Variants in CACNA1E observed in about 807,000 individuals in gnomAD.
CACNA1E encodes calcium voltage-gated channel subunit alpha1 E, also known as voltage-dependent R-type calcium channel subunit alpha-1E.
Under a neutral mutation model 259.2 loss-of-function variants are expected in CACNA1E, and 40 were observed. The ratio of observed to expected loss-of-function variants is 0.15; its 90% CI spans 0.12 to 0.20. The LOEUF (loss-of-function observed/expected upper bound fraction) is 0.20. Ranked by LOEUF, CACNA1E falls within the 10% of genes least tolerant of loss-of-function variation. CACNA1E has a pLI of 1.00. For synonymous variants in CACNA1E, 1,104 were observed against 1,138.5 expected, an observed-to-expected ratio of 0.97 and a Z score of 0.61; for missense variants, 1,874 against 3,040.1, an observed-to-expected ratio of 0.62 and a Z score of 9.02.
At chr1:181,607,363 C>T (rs973413396) in intron 6 of CACNA1E, among the ~76,000 whole-genome samples, 6 of 152,116 alleles carry the variant, frequency 3.9e-5, no homozygotes, top group African/African-American at 1.2e-4. Context: ...TTGAGGATTA[C>T]GTCTTAAATT....
At chr1:181,749,058 A>G (rs1304407743) in intron 25 of CACNA1E, among the ~76,000 whole-genome samples, 1 of 152,216 alleles carries the variant, frequency 6.6e-6, no homozygotes, top group African/African-American at 2.4e-5. Flanking sequence ...TTCCCAAGTC[A>G]TGATTCATTT....
chr1:181,443,021 G>A (rs1217273525), intron 2 of CACNA1E, among the ~76,000 whole-genome samples: 3 of 152,206 alleles, frequency 2.0e-5, no homozygotes, highest in Non-Finnish European at 4.4e-5. Context: ...ATGGAGATAA[G>A]CTGGCCCAGT....
chr1:181,337,158 T>C (rs1304615711), intron 1 of CACNA1E, among the ~76,000 whole-genome samples: 1 of 151,074 alleles, frequency 6.6e-6, no homozygotes, highest in Non-Finnish European at 1.5e-5. Context: ...TAGAATCTAC[T>C]CTTTTTTTTT....
chr1:181,379,461 T>C (rs1655316191), intron 1 of CACNA1E, among the ~76,000 whole-genome samples: 1 of 152,248 alleles, frequency 6.6e-6, no homozygotes, highest in Non-Finnish European at 1.5e-5. Flanking sequence ...CACTATGTTT[T>C]AGTCGGTTTG....
At chr1:181,438,916 C>A (rs1306944224) in intron 2 of CACNA1E, among the ~76,000 whole-genome samples, 2 of 152,114 alleles carry the variant, frequency 1.3e-5, no homozygotes, top group African/African-American at 4.8e-5. Context: ...AACCTAGGTA[C>A]CCATTCCAAG....
intron 1 of CACNA1E, among the ~76,000 whole-genome samples, chr1:181,490,754 TA>T (rs1407055784): frequency 1.3e-5 from 2 of 152,146 alleles, no homozygotes; most frequent in Non-Finnish European, 2.9e-5. Flanking sequence ...CTTGTGTCAT[TA>T]AAGGGGGGTG....
At chr1:181,730,855 T>A (rs1312450327) in intron 18 of CACNA1E, among the ~76,000 whole-genome samples, 1 of 152,146 alleles carries the variant, frequency 6.6e-6, no homozygotes, top group African/African-American at 2.4e-5. Context: ...ATCTGAAGGA[T>A]GTGTAGGTGG....
intron 3 of CACNA1E, among the ~76,000 whole-genome samples, chr1:181,562,266 T>C (rs1649403435): frequency 1.3e-5 from 2 of 152,316 alleles, no homozygotes; most frequent in South Asian, 4.1e-4. Flanking sequence ...TATATGCCCA[T>C]AGTCCAACAG....
chr1:181,544,140 C>T (rs1668806361), intron 3 of CACNA1E, among the ~76,000 whole-genome samples: 1 of 152,140 alleles, frequency 6.6e-6, no homozygotes, highest in Non-Finnish European at 1.5e-5. Context: ...TGAAAAGCAA[C>T]AAAGTACTGA....
intron 1 of CACNA1E, chr1:181,413,099 C>A: frequency 6.5e-6 from 1 of 153,358 alleles, no homozygotes; most frequent in Non-Finnish European, 1.5e-5. Flanking sequence ...CCCTCCCTTC[C>A]CCACTCCTTG....
intron 6 of CACNA1E, among the ~76,000 whole-genome samples, chr1:181,600,722 T>A (rs1183156152): frequency 6.6e-6 from 1 of 151,992 alleles, no homozygotes; most frequent in African/African-American, 2.4e-5. Flanking sequence ...TAAATTGGAG[T>A]GGCCTAATTG....
At chr1:181,614,209 C>CT (rs1553299636) in intron 6 of CACNA1E, among the ~76,000 whole-genome samples, 1 of 151,790 alleles carries the variant, frequency 6.6e-6, no homozygotes, top group Non-Finnish European at 1.5e-5. Flanking sequence ...CTTTTCTTTT[C>CT]TTTTTTTTCT....
At chr1:181,409,629 G>A (rs533279851) in intron 1 of CACNA1E, among the ~76,000 whole-genome samples, 7 of 152,300 alleles carry the variant, frequency 4.6e-5, no homozygotes, top group Non-Finnish European at 7.3e-5. Context: ...AGATTCGAGT[G>A]TCCTTTCCTA....
At chr1:181,717,344 A>T in intron 11 of CACNA1E, 42 bp downstream of exon 11, 1 of 1,528,240 alleles carries the variant, frequency 6.5e-7, no homozygotes, top group South Asian at 1.1e-5. Context: ...GCTGGTCCCC[A>T]TGTGGGGCAG....
chr1:181,638,839 A>C (rs1403984264), intron 6 of CACNA1E, among the ~76,000 whole-genome samples: 8 of 152,178 alleles, frequency 5.3e-5, no homozygotes, highest in Non-Finnish European at 4.4e-5. Context: ...CTTGTGAAGA[A>C]GGTGCCTTGC....
intron 6 of CACNA1E, among the ~76,000 whole-genome samples, chr1:181,645,007 A>G (rs6675785): frequency 0.26 from 38,915 of 152,040 alleles, 5,735 homozygotes; most frequent in African/African-American, 0.4. Context: ...CAACAGTTAC[A>G]TAGCAGCTGG....
intron 3 of CACNA1E, among the ~76,000 whole-genome samples, chr1:181,529,650 G>A (rs138444227): frequency 0.014 from 2,147 of 152,340 alleles, 57 homozygotes; most frequent in African/African-American, 0.048. Flanking sequence ...TGTCCTGGAT[G>A]TGAGATCTGG....
At chr1:181,783,450 T>G (rs745579061) in intron 39 of CACNA1E, among the ~76,000 whole-genome samples, 25 of 151,970 alleles carry the variant, frequency 1.6e-4, no homozygotes, top group Non-Finnish European at 2.8e-4. Context: ...TTGGCATCAT[T>G]CCCTTGGTGG....
At chr1:181,722,907 C>G (rs1654541538) in intron 16 of CACNA1E, among the ~76,000 whole-genome samples, 1 of 152,180 alleles carries the variant, frequency 6.6e-6, no homozygotes, top group Non-Finnish European at 1.5e-5. Context: ...CAGTAAGTCA[C>G]AGACATGGAA....
Sources: allele counts gnomAD v4.1 joint callset (sites outside exome capture counted in the v4.1 genomes callset), GRCh38; gene constraint gnomAD v4.1.1; transcripts MANE v1.5; gene names NCBI Gene and HGNC (gene_info 2026-07-23, HGNC 2026-07-21).